Variants in RORA observed in about 807,000 individuals in gnomAD.
RORA encodes nuclear receptor ROR-alpha.
RORA carries 7 observed loss-of-function variants against 69.5 expected under a neutral mutation model. The ratio of observed to expected loss-of-function variants is 0.10; its 90% CI spans 0.06 to 0.19. RORA has a LOEUF of 0.19. Among genes scored for constraint, RORA ranks in the 10% least tolerant of loss-of-function variants. RORA has a pLI of 1.00. For synonymous variants in RORA, 261 were observed against 240.8 expected (o/e 1.08, Z -0.78); for missense variants, 457 against 663.0 (o/e 0.69, Z 3.41).
At chr15:60,854,820 G>C (rs1424645655) in intron 1 of RORA, among the ~76,000 whole-genome samples, 1 of 152,194 alleles carries the variant, frequency 6.6e-6, no homozygotes, top group African/African-American at 2.4e-5. Context: ...AAACATCGAG[G>C]ACGAGGCATG....
intron 2 of RORA, among the ~76,000 whole-genome samples, chr15:60,566,730 C>T (rs1396234811): frequency 6.6e-6 from 1 of 152,100 alleles, no homozygotes; most frequent in Non-Finnish European, 1.5e-5. Context: ...GAATGAATAT[C>T]GCACTTCCCT....
chr15:60,953,793 C>G (rs1443053024), intron 1 of RORA, among the ~76,000 whole-genome samples: 1 of 151,560 alleles, frequency 6.6e-6, no homozygotes, highest in Admixed American at 6.6e-5. Context: ...CAGGAAACAA[C>G]AGGTGCTGGA....
chr15:61,228,277 G>C (rs1177579930), intron 1 of RORA, among the ~76,000 whole-genome samples: 3 of 152,152 alleles, frequency 2.0e-5, no homozygotes, highest in Non-Finnish European at 2.9e-5. Context: ...CCCTCTGCGC[G>C]TTGGCGCGCA....
chr15:61,155,704 A>G (rs551800742), intron 1 of RORA, among the ~76,000 whole-genome samples: 22 of 152,148 alleles, frequency 1.4e-4, no homozygotes, highest in African/African-American at 5.3e-4. Context: ...CTGTGAGGGG[A>G]AAAAAAATAA....
chr15:60,929,657 A>C (rs1355451892), intron 1 of RORA, among the ~76,000 whole-genome samples: 2 of 152,200 alleles, frequency 1.3e-5, no homozygotes, highest in Non-Finnish European at 2.9e-5. Context: ...GTGGAGTAGA[A>C]AGTGCTACAA....
At position 60,916,443 on chromosome 15, in the gene RORA, T is replaced by C. The variant is rs8037126; in HGVS notation, c.167-237757A>G. On this transcript the variant is annotated intron_variant, in intron 1 of 10. Transcript: ENST00000335670. The stretch of plus-strand genomic sequence containing the variant: ...AGCTGGTATTTCTGAGCTGGAATAA[T>C]TAAACAGAGATCTATCCACTTGACT... 3.8e-3 allele frequency among the ~76,000 whole-genome samples: 579 copies of C among 152,272 alleles called. 1 individual carries two copies. Among genetic ancestry groups the C allele is most frequent in the African/African-American group, 0.013 (556 of 41,554 alleles).
intron 2 of RORA, chr15:60,592,353 G>A (rs755304602): frequency 2.9e-6 from 4 of 1,381,444 alleles, no homozygotes; most frequent in African/African-American, 3.0e-5. Context: ...GGAGCCGCCA[G>A]CCCACCCGGC....
chr15:60,690,900 C>T (rs2070813713), intron 1 of RORA, among the ~76,000 whole-genome samples: 2 of 152,154 alleles, frequency 1.3e-5, no homozygotes, highest in South Asian at 2.1e-4. Flanking sequence ...TTAGAAGCTC[C>T]ATGTAAGCCA....
At chr15:61,216,449 G>C (rs1756844886) in intron 1 of RORA, among the ~76,000 whole-genome samples, 1 of 152,144 alleles carries the variant, frequency 6.6e-6, no homozygotes, top group Non-Finnish European at 1.5e-5. Flanking sequence ...GAGCATTAAT[G>C]TACAGCAAGT....
intron 1 of RORA, among the ~76,000 whole-genome samples, chr15:61,210,585 C>T (rs547486998): frequency 1.3e-5 from 2 of 151,978 alleles, no homozygotes; most frequent in Non-Finnish European, 2.9e-5. Context: ...AAGAAAAAGG[C>T]AAAAAGAGAA....
intron 1 of RORA, among the ~76,000 whole-genome samples, chr15:61,113,321 G>A (rs1337725750): frequency 6.6e-6 from 1 of 152,216 alleles, no homozygotes; most frequent in Non-Finnish European, 1.5e-5. Context: ...CAGGAAGTAA[G>A]ACCAGAACAG....
At chr15:61,005,951 GTTTGTTTGTTTTGT>G (rs1436625529) in intron 1 of RORA, among the ~76,000 whole-genome samples, 3 of 148,734 alleles carry the variant, frequency 2.0e-5, no homozygotes, top group Non-Finnish European at 4.5e-5. Flanking sequence ...TATATTTTTT[GTTTGTTTGTTTTGT>G]TTTGTTTTGT....
intron 1 of RORA, among the ~76,000 whole-genome samples, chr15:60,834,273 C>G (rs1413145812): frequency 6.6e-6 from 1 of 152,154 alleles, no homozygotes; most frequent in Non-Finnish European, 1.5e-5. Context: ...CTCATGTTTT[C>G]ATTTCTGAGT....
intron 1 of RORA, among the ~76,000 whole-genome samples, chr15:60,777,760 C>T (rs1027037774): frequency 1.4e-4 from 21 of 152,248 alleles, no homozygotes; most frequent in Admixed American, 7.8e-4. Context: ...CTTTGGAGAA[C>T]CGAGAATCAA....
At chr15:60,924,042 C>T (rs188877292) in intron 1 of RORA, among the ~76,000 whole-genome samples, 123 of 152,308 alleles carry the variant, frequency 8.1e-4, no homozygotes, top group African/African-American at 2.7e-3. Flanking sequence ...AAAGGGCCAG[C>T]CCACTGAAAA....
chr15:60,808,906 T>C lies in RORA; in HGVS notation c.167-130220A>G, dbSNP rs533123107. On this transcript the variant is annotated intron_variant, in intron 1 of 10. Coordinates refer to ENST00000335670, the MANE Select transcript of RORA (RefSeq NM_134261.3). ...AGGAATTGGAGATTATCATTCTAAG[T>C]GAAGTAACTCAGGAATGGAAAACCA... Among the ~76,000 whole-genome samples, 4 of 152,160 alleles carry C rather than the reference T, an allele frequency of 2.6e-5. No homozygotes were observed. In the East Asian group the frequency reaches 7.7e-4, roughly 29 times the overall value.
chr15:61,115,198 G>T (rs948030178), intron 1 of RORA, among the ~76,000 whole-genome samples: 17 of 152,088 alleles, frequency 1.1e-4, no homozygotes, highest in African/African-American at 4.1e-4. Flanking sequence ...GAGTCCACCA[G>T]GGAGCTGGCT....
chr15:60,638,687 T>C (rs1403083788), intron 2 of RORA, among the ~76,000 whole-genome samples: 1 of 152,198 alleles, frequency 6.6e-6, no homozygotes, highest in Admixed American at 6.5e-5. Flanking sequence ...AACTACTCCT[T>C]AAAACTGCTA....
At chr15:61,146,977 A>G (rs984191910) in intron 1 of RORA, among the ~76,000 whole-genome samples, 1 of 151,582 alleles carries the variant, frequency 6.6e-6, no homozygotes, top group South Asian at 2.1e-4. Context: ...GTTGAAGCAG[A>G]CGCTTTCACA....
Sources: gnomAD v4.1 joint callset for allele counts (sites outside exome capture counted in the v4.1 genomes callset) on GRCh38, gnomAD v4.1.1 for gene constraint, MANE v1.5 for transcripts, NCBI Gene and HGNC (gene_info 2026-07-23, HGNC 2026-07-21) for gene names.